PPP1CB: variants seen among roughly 807,000 people sequenced by gnomAD.
The protein encoded by PPP1CB is protein phosphatase 1 catalytic subunit beta.
PPP1CB carries 2 observed loss-of-function variants against 43.7 expected under a neutral mutation model. That is an observed-to-expected ratio of 0.05 (90% confidence interval 0.02 to 0.14). The LOEUF is 0.14. Ranked by LOEUF, PPP1CB falls within the 10% of genes least tolerant of loss-of-function variation. PPP1CB has a pLI of 1.00. For synonymous variants in PPP1CB, 136 were observed against 135.6 expected (o/e 1.00, Z -0.02); for missense variants, 84 against 398.0 (o/e 0.21, Z 6.71).
intron 1 of PPP1CB, among the ~76,000 whole-genome samples, chr2:28,757,030 G>A (rs1361678989): frequency 1.3e-5 from 2 of 151,982 alleles, no homozygotes; most frequent in African/African-American, 4.8e-5. Context: ...CCTGTTCCCG[G>A]TAGCAGACAC....
At position 28,787,656 on chromosome 2, in the gene PPP1CB, C is replaced by G. The variant is rs1014228002; in HGVS notation, c.593-1002C>G. 1.4e-4 allele frequency among the ~76,000 whole-genome samples: 21 copies of G among 152,166 alleles called. No homozygotes were observed. The South Asian group carries it at 1.7e-3, about 12-fold the overall frequency. ...ACATTTTTGGTCTTCGTCCTACTGC[C>G]CTTGTTCATGGCACATTTCCTACTT... is the stretch of plus-strand genomic sequence containing the variant. On this transcript the variant is annotated intron_variant, in intron 5 of 7. Transcript: ENST00000395366.
intron 1 of PPP1CB, among the ~76,000 whole-genome samples, chr2:28,775,318 A>T (rs1667013218): frequency 6.6e-6 from 1 of 152,140 alleles, no homozygotes; most frequent in African/African-American, 2.4e-5. Context: ...CGTGTTGCCC[A>T]GGGCGATCTT....
chr2:28,757,080 C>CT (rs928145661), intron 1 of PPP1CB, among the ~76,000 whole-genome samples: 1 of 151,986 alleles, frequency 6.6e-6, no homozygotes, highest in African/African-American at 2.4e-5. Context: ...CACTAATCTA[C>CT]TTTTTTTTGT....
chr2:28,767,737 A>G (rs958061099), intron 1 of PPP1CB, among the ~76,000 whole-genome samples: 2 of 152,228 alleles, frequency 1.3e-5, no homozygotes, highest in Non-Finnish European at 2.9e-5. Context: ...TGAGTTTCAT[A>G]TAATTTTTAT....
At chr2:28,778,308 T>C in intron 2 of PPP1CB, 1 of 467,916 alleles carries the variant, frequency 2.1e-6, no homozygotes, top group Non-Finnish European at 4.4e-6. Context: ...CTTTGTGGCT[T>C]ACAGCAACAT....
chr2:28,784,549 A>G (rs1286814765), intron 5 of PPP1CB, among the ~76,000 whole-genome samples: 1 of 152,104 alleles, frequency 6.6e-6, no homozygotes, highest in African/African-American at 2.4e-5. Context: ...GGCATGTGCC[A>G]TACCTGGCTT....
intron 1 of PPP1CB, among the ~76,000 whole-genome samples, chr2:28,757,210 C>T (rs771740265): frequency 1.3e-5 from 2 of 152,158 alleles, no homozygotes; most frequent in Non-Finnish European, 2.9e-5. Flanking sequence ...TGTATCAGTA[C>T]TTTATTCCTT....
In PPP1CB at chr2:28,799,190, T is replaced by A. The variant is rs1289621304; in HGVS notation, c.880-9T>A. ...AAAATAACATTATTTGTTAATAATT[T>A]ACTTTAAGATATTGAAACCATCTGA... On this transcript the variant is annotated splice_polypyrimidine_tract_variant and intron_variant, in intron 7 of 7. Coordinates refer to ENST00000395366, the MANE Select transcript of PPP1CB (RefSeq NM_002709.3). 1 of 1,490,466 alleles carries A rather than the reference T, an allele frequency of 6.7e-7. No homozygotes were observed. Among genetic ancestry groups the A allele is most frequent in the African/African-American group, 1.4e-5 (1 of 71,004 alleles). The allele number at this position is 1,490,466 out of a possible 1,614,324, so 92.3% of individuals were successfully genotyped here. A position where few individuals can be genotyped will look rare whatever the true frequency, so the allele number is the denominator to read the frequency against.
At chr2:28,751,778 T>A (rs1480117918), upstream of PPP1CB, 5 of 368,610 alleles carry the variant, frequency 1.4e-5, no homozygotes, top group Admixed American at 2.2e-4. Flanking sequence ...GCAAGGGACG[T>A]GCGGAGTGAG....
At chr2:28,785,270 T>C (rs981922485) in intron 5 of PPP1CB, among the ~76,000 whole-genome samples, 1 of 151,432 alleles carries the variant, frequency 6.6e-6, no homozygotes, top group African/African-American at 2.4e-5. Flanking sequence ...GAGATGGGGT[T>C]TCACCATGTT....
chr2:28,770,762 T>C (rs1666889824), intron 1 of PPP1CB, among the ~76,000 whole-genome samples: 1 of 144,062 alleles, frequency 6.9e-6, no homozygotes, highest in Non-Finnish European at 1.5e-5. Context: ...CTTCACTCAA[T>C]AATTTCAGGA....
chr2:28,752,064 A>G lies in PPP1CB; in HGVS notation c.-61A>G, dbSNP rs956902492. ...TGAGAGAACGCCGAGCCGTCGCCGC[A>G]GCCTCCGCCGCCGAGAAGCCCTTGT... On this transcript the variant is annotated 5_prime_UTR_variant, in exon 1 of 8. Transcript: ENST00000395366. 3.4e-5 allele frequency: 51 copies of G among 1,503,650 alleles called. No homozygotes were observed. The highest frequency in any genetic ancestry group is 4.6e-5 in the Non-Finnish European group (51 of 1,104,330). The allele number at this position is 1,503,650 out of a possible 1,614,324, so 93.1% of individuals were successfully genotyped here. A position where few individuals can be genotyped will look rare whatever the true frequency, so the allele number is the denominator to read the frequency against.
Position 28,801,505 on chromosome 2 carries a change from T to G in PPP1CB, c.*2202T>G, listed in dbSNP as rs1353679388. The G allele has an allele frequency of 6.6e-6, 1 of 152,014 alleles. No individual in the cohort carries two copies. The highest frequency in any genetic ancestry group is 1.5e-5 in the Non-Finnish European group (1 of 67,936). The allele number at this position is 152,014 out of a possible 1,614,324, so 9.4% of individuals were successfully genotyped here. On this transcript the variant is annotated 3_prime_UTR_variant, in exon 8 of 8. Transcript: ENST00000395366. ...AGCTAATTAATATTGGTCATTAAAT[T>G]TAAAGGATGGAAATTTATCATGTTT...
Position 28,783,981 on chromosome 2 carries a change from A to AAGTGTAGAG in PPP1CB, c.592+6_592+14dup, listed in dbSNP as rs1558307190. ...ACCTACTGATGTCCCTGATACAGGTAAGTGTAGAGAGAAGTTTAATTGTTT... is the reference window on the plus strand; with the variant it reads ...ACCTACTGATGTCCCTGATACAGGTAAGTGTAGAGAGTGTAGAGAGAAGTTTAATTGTTT... On this transcript the variant is annotated splice_donor_region_variant and intron_variant, in intron 5 of 7. Coordinates refer to ENST00000395366, the MANE Select transcript of PPP1CB (RefSeq NM_002709.3). 6.3e-7 allele frequency: 1 copy of AAGTGTAGAG among 1,596,384 alleles called. No homozygotes were observed. Among genetic ancestry groups the AAGTGTAGAG allele is most frequent in the Non-Finnish European group, 8.6e-7 (1 of 1,164,552 alleles).
chr2:28,788,380 T>C (rs1297109325), intron 5 of PPP1CB, among the ~76,000 whole-genome samples: 6 of 152,222 alleles, frequency 3.9e-5, no homozygotes, highest in Non-Finnish European at 5.9e-5. Flanking sequence ...GCCTTTTCCA[T>C]GTATTGTTGT....
chr2:28,765,242 T>C (rs943811130), intron 1 of PPP1CB, among the ~76,000 whole-genome samples: 1 of 152,220 alleles, frequency 6.6e-6, no homozygotes, highest in Non-Finnish European at 1.5e-5. Flanking sequence ...TCAAAGTTAA[T>C]GTTCTCTGTC....
At chr2:28,766,811 G>T (rs959124924) in intron 1 of PPP1CB, among the ~76,000 whole-genome samples, 1 of 152,180 alleles carries the variant, frequency 6.6e-6, no homozygotes, top group Admixed American at 6.5e-5. Flanking sequence ...AGCTGGGGTG[G>T]TGGCTCACGC....
Position 28,773,345 on chromosome 2 carries a change from A to C in PPP1CB, c.53-3506A>C, listed in dbSNP as rs138310813. Among the ~76,000 whole-genome samples the C allele has an allele frequency of 6.4e-4, 97 of 152,258 alleles. 1 individual carries two copies. The highest frequency in any genetic ancestry group is 5.6e-3 in the Admixed American group (86 of 15,302). On this transcript the variant is annotated intron_variant, in intron 1 of 7. Transcript: ENST00000395366. Reference sequence around the variant, plus strand: ...TGAAGTGGAAAAAGTACTGGCCTTTAAGTTAGAAGACTAAGTCTGAATCCC... The same window carrying C: ...TGAAGTGGAAAAAGTACTGGCCTTTCAGTTAGAAGACTAAGTCTGAATCCC...
intron 1 of PPP1CB, among the ~76,000 whole-genome samples, chr2:28,752,761 A>G (rs1666353400): frequency 6.6e-6 from 1 of 152,198 alleles, no homozygotes; most frequent in Non-Finnish European, 1.5e-5. Context: ...GAATTAATCT[A>G]CCGTTTGTTA....
Sources: allele counts gnomAD v4.1 joint callset (sites outside exome capture counted in the v4.1 genomes callset), GRCh38; gene constraint gnomAD v4.1.1; transcripts MANE v1.5; gene names NCBI Gene and HGNC (gene_info 2026-07-23, HGNC 2026-07-21).